Variants in FLT1 observed in about 807,000 individuals in gnomAD.
FLT1 encodes fms related receptor tyrosine kinase 1.
In FLT1, 49 loss-of-function variants were observed where a neutral mutation model predicts 156.3. That is an observed-to-expected ratio of 0.31 (90% CI 0.25 to 0.40). The LOEUF is 0.40. Ranked by LOEUF, FLT1 falls within the 10% of genes least tolerant of loss-of-function variation. FLT1 has a pLI of 1.00. For synonymous variants in FLT1, 594 were observed against 583.8 expected, an observed-to-expected ratio of 1.02 and a Z score of -0.25; for missense variants, 1,322 against 1,637.2, an observed-to-expected ratio of 0.81 and a Z score of 3.32.
In FLT1 at chr13:28,387,808, T is replaced by TTA. The variant is rs368758193; in HGVS notation, c.1969+1987_1969+1988insTA. ...AACAAAACCCACCCAAAAGTTTCTTTAAAAAAAAAAAAAAAGACTCTCCGG... is the reference window on the plus strand; with the variant it reads ...AACAAAACCCACCCAAAAGTTTCTTTTAAAAAAAAAAAAAAAAGACTCTCCGG... On this transcript the variant is annotated intron_variant, in intron 13 of 29. Coordinates refer to ENST00000282397, the MANE Select transcript of FLT1 (RefSeq NM_002019.4). 78 of 928,072 alleles carry TTA rather than the reference T, an allele frequency of 8.4e-5. 1 individual carries two copies. In the South Asian group the frequency reaches 3.3e-3, roughly 39 times the overall value. The allele number at this position is 928,072 out of a possible 1,614,324, so 57.5% of individuals were successfully genotyped here. A position where few individuals can be genotyped will look rare whatever the true frequency, so the allele number is the denominator to read the frequency against.
chr13:28,383,439 G>A (rs946921986), intron 14 of FLT1, among the ~76,000 whole-genome samples: 1 of 152,092 alleles, frequency 6.6e-6, no homozygotes, highest in Non-Finnish European at 1.5e-5. Context: ...TGAGGCAGGC[G>A]GATCACAAGG....
At chr13:28,358,809 C>T in intron 14 of FLT1, among the ~76,000 whole-genome samples, 1 of 152,108 alleles carries the variant, frequency 6.6e-6, no homozygotes, top group Non-Finnish European at 1.5e-5. Context: ...GTGAATACAG[C>T]ACAGTATACC....
chr13:28,319,296 A>G (rs1026140428), intron 24 of FLT1, 127 bp downstream of exon 24: 92 of 703,552 alleles, frequency 1.3e-4, no homozygotes, highest in African/African-American at 1.2e-3. Flanking sequence ...ACATGGGCCC[A>G]TTACACTTTA....
At chr13:28,353,596 T>A (rs996424051) in intron 15 of FLT1, among the ~76,000 whole-genome samples, 1 of 151,928 alleles carries the variant, frequency 6.6e-6, no homozygotes, top group African/African-American at 2.4e-5. Context: ...AAAAGAATGT[T>A]TTTATATATA....
chr13:28,492,277 T>C (rs1163764269), intron 1 of FLT1, among the ~76,000 whole-genome samples: 1 of 152,168 alleles, frequency 6.6e-6, no homozygotes, highest in African/African-American at 2.4e-5. Flanking sequence ...AAATTGTAAA[T>C]GTTAGCTGTT....
chr13:28,417,279 C>T (rs561509165), intron 10 of FLT1, among the ~76,000 whole-genome samples: 1 of 152,168 alleles, frequency 6.6e-6, no homozygotes, highest in African/African-American at 2.4e-5. Flanking sequence ...TCATCTCTGG[C>T]AAGTTCTTTT....
At chr13:28,356,463 A>T (rs1327501515) in intron 15 of FLT1, among the ~76,000 whole-genome samples, 2 of 152,198 alleles carry the variant, frequency 1.3e-5, no homozygotes. Flanking sequence ...GGGAGACAAA[A>T]CCATTACTAA....
chr13:28,446,678 T>C (rs566424494), intron 3 of FLT1, among the ~76,000 whole-genome samples: 1 of 152,350 alleles, frequency 6.6e-6, no homozygotes, highest in South Asian at 2.1e-4. Context: ...AAACATCTCA[T>C]GTTCATGGAT....
chr13:28,317,736 C>T, intron 24 of FLT1, 139 bp from the exon 25 acceptor site: 1 of 699,330 alleles, frequency 1.4e-6, no homozygotes, highest in Non-Finnish European at 2.6e-6. Context: ...CAACAGATCT[C>T]AACATACCGT....
intron 10 of FLT1, among the ~76,000 whole-genome samples, chr13:28,412,307 C>CCCTTTCTTTCTTTCTTTCTTTCTT (rs1876254708): frequency 1.9e-5 from 1 of 53,564 alleles, no homozygotes. Flanking sequence ...TTTTCTCTTT[C>CCCTTTCTTTCTTTCTTTCTTTCTT]TCTTTCTTTC....
chr13:28,384,448 C>CAAA lies in FLT1; in HGVS notation c.2116+434_2116+436dup, dbSNP rs79860949. ...TGGTTGACAGAGTGAGACTCCATCT[C>CAAA]AAAAAAAAAAAAAAAAAAAAGAAAG... is the stretch of plus-strand genomic sequence containing the variant. On this transcript the variant is annotated intron_variant, in intron 14 of 29. Coordinates refer to ENST00000282397, the MANE Select transcript of FLT1 (RefSeq NM_002019.4). 9.7e-3 allele frequency among the ~76,000 whole-genome samples: 584 copies of CAAA among 60,228 alleles called. 7 individuals are homozygous for CAAA. The highest frequency in any genetic ancestry group is 0.03 in the African/African-American group (542 of 18,050). The allele number at this position is 60,228 out of a possible 152,430, so 39.5% of individuals were successfully genotyped here. A position where few individuals can be genotyped will look rare whatever the true frequency, so the allele number is the denominator to read the frequency against.
chr13:28,375,090 C>A (rs987622859), intron 14 of FLT1, among the ~76,000 whole-genome samples: 1 of 152,102 alleles, frequency 6.6e-6, no homozygotes, highest in African/African-American at 2.4e-5. Context: ...TTTCTTTAGG[C>A]AAAGCTTTAG....
intron 1 of FLT1, among the ~76,000 whole-genome samples, chr13:28,489,487 G>C (rs1224657949): frequency 6.6e-6 from 1 of 152,186 alleles, no homozygotes; most frequent in African/African-American, 2.4e-5. Flanking sequence ...TACTGAAGGA[G>C]GAGTACACCT....
intron 11 of FLT1, among the ~76,000 whole-genome samples, chr13:28,397,960 A>G (rs1466370157): frequency 6.6e-6 from 1 of 152,158 alleles, no homozygotes; most frequent in African/African-American, 2.4e-5. Context: ...ATGAACTTGA[A>G]AGCACTTTCC....
At chr13:28,364,564 G>A (rs1488176858) in intron 14 of FLT1, among the ~76,000 whole-genome samples, 1 of 152,076 alleles carries the variant, frequency 6.6e-6, no homozygotes, top group Non-Finnish European at 1.5e-5. Context: ...TTCTTATTTA[G>A]GTTTTTAATT....
At chr13:28,489,711 GT>G (rs1179227825) in intron 1 of FLT1, among the ~76,000 whole-genome samples, 1 of 152,174 alleles carries the variant, frequency 6.6e-6, no homozygotes, top group Non-Finnish European at 1.5e-5. Context: ...TTTGACTAGG[GT>G]AGAGTTTGTG....
In FLT1 at chr13:28,427,154, C is replaced by T. The variant is rs565621742; in HGVS notation, c.1436+5G>A. The T allele has an allele frequency of 7.7e-5, 125 of 1,613,480 alleles. No individual in the cohort carries two copies. The highest frequency in any genetic ancestry group is 9.9e-5 in the Non-Finnish European group (117 of 1,179,596). ...AAAGTTAGTAAAAAAACTGACTGTC[C>T]CTACCTTGCTTCGGAATGATTATGG... On this transcript the variant is annotated splice_donor_5th_base_variant and intron_variant, in intron 10 of 29. Coordinates refer to ENST00000282397, the MANE Select transcript of FLT1 (RefSeq NM_002019.4).
In FLT1 at chr13:28,321,613, G is replaced by T. The variant is rs752865154; in HGVS notation, c.3052-28C>A. 3.1e-6 allele frequency: 5 copies of T among 1,612,684 alleles called. No individual in the cohort carries two copies. The Admixed American group carries it at 6.7e-5, about 22-fold the overall frequency. On this transcript the variant is annotated intron_variant, in intron 22 of 29. Transcript: ENST00000282397. ...ATAATAAAACAGTTGCATAATCAAT[G>T]CATTTCCTTAACCTAACCAACTAAT... is the stretch of plus-strand genomic sequence containing the variant.
At chr13:28,368,827 C>T (rs919003533) in intron 14 of FLT1, among the ~76,000 whole-genome samples, 4 of 151,534 alleles carry the variant, frequency 2.6e-5, no homozygotes, top group Non-Finnish European at 5.9e-5. Flanking sequence ...GCCTCAGCCT[C>T]CTGAGTAGCT....
Sources: allele counts gnomAD v4.1 joint callset (sites outside exome capture counted in the v4.1 genomes callset), GRCh38; gene constraint gnomAD v4.1.1; transcripts MANE v1.5; gene names NCBI Gene and HGNC (gene_info 2026-07-23, HGNC 2026-07-21).